ELAC2: variants seen among roughly 807,000 people sequenced by gnomAD.
ELAC2 encodes elaC ribonuclease Z 2.
Under a neutral mutation model 105.2 loss-of-function variants are expected in ELAC2, and 92 were observed. That is an observed-to-expected ratio of 0.87 (90% CI 0.74 to 1.04). The LOEUF (loss-of-function observed/expected upper bound fraction) is 1.04, where lower values mean the gene tolerates loss of function less well. Ranked by LOEUF, ELAC2 falls within the 50% of genes least tolerant of loss-of-function variation. The pLI is 0.00. For missense variants in ELAC2, 1,099 were observed against 1,071.7 expected (o/e 1.03, Z -0.36); for synonymous variants, 468 against 409.1 (o/e 1.14, Z -1.74).
At chr17:13,017,173 C>G (rs762732594) in intron 1 of ELAC2, 52 bp from the exon 2 acceptor site, 1 of 1,435,548 alleles carries the variant, frequency 7.0e-7, no homozygotes, top group Non-Finnish European at 9.8e-7. Flanking sequence ...TCTGTAAACT[C>G]TCTGACACCA....
intron 4 of ELAC2, among the ~76,000 whole-genome samples, chr17:13,015,033 C>T (rs2041643572): frequency 6.6e-6 from 1 of 152,162 alleles, no homozygotes; most frequent in African/African-American, 2.4e-5. Flanking sequence ...CGGCCGGGGC[C>T]TACAGGACTT....
intron 8 of ELAC2, 76 bp from the exon 9 acceptor site, chr17:13,006,055 G>GT: frequency 1.4e-6 from 2 of 1,427,020 alleles, no homozygotes; most frequent in Non-Finnish European, 2.0e-6. Flanking sequence ...TCTTAGAAGT[G>GT]TATTTTTCTA....
chr17:13,012,176 G>A (rs192719602), intron 6 of ELAC2, among the ~76,000 whole-genome samples: 249 of 152,326 alleles, frequency 1.6e-3, no homozygotes, highest in Non-Finnish European at 3.0e-3. Context: ...GCTGCTCTAA[G>A]AAGCTAAAGC....
Position 13,000,257 on chromosome 17 carries a change from C to T in ELAC2, c.1322G>A (p.Cys441Tyr). 6.2e-7 allele frequency: 1 copy of T among 1,614,040 alleles called. No homozygotes were observed. ...CTCAACTATGAATTCCTCAGGATTG[C>T]AAGTAATAATGGCATCCCTGCAGGA... is the stretch of plus-strand genomic sequence containing the variant. ...REWQRDAIIT[C>Y]NPEEFIVEAL... The change falls in exon 15 of 24, where the codon TGC becomes TAC. Residue 441 changes from cysteine to tyrosine, a missense_variant. Coordinates refer to ENST00000338034, the MANE Select transcript of ELAC2 (RefSeq NM_018127.7).
intron 7 of ELAC2, 139 bp from the exon 8 acceptor site, chr17:13,010,810 C>T: frequency 1.3e-6 from 1 of 773,228 alleles, no homozygotes; most frequent in East Asian, 2.7e-5. Flanking sequence ...AGGCTGAAGA[C>T]ACTAATATAC....
rs2041062782 is a variant in ELAC2, at chr17:13,005,719, G to A, written c.870+34C>T. The A allele has an allele frequency of 1.6e-5, 26 of 1,600,264 alleles. No individual in the cohort carries two copies. The East Asian group carries it at 4.0e-4, about 25-fold the overall frequency. ...CTGCCCAGCATTTCAGACCCTACCT[G>A]TAACTGCTGAATCAAGAAAACCAGG... is the stretch of plus-strand genomic sequence containing the variant. On this transcript the variant is annotated intron_variant, in intron 10 of 23. Transcript: ENST00000338034.
rs1197585441 is a variant in ELAC2 at position 13,003,483 on chromosome 17, C to T, written c.1075G>A (p.Glu359Lys). 1.9e-6 allele frequency: 3 copies of T among 1,614,178 alleles called. No individual in the cohort carries two copies. The highest frequency in any genetic ancestry group is 2.5e-6 in the Non-Finnish European group (3 of 1,180,022). ...LVDSRYQQWM[E>K]RFGPDTQHLV... ...CCGCTGGGCTGGGCTCCATACCTCT[C>T]CATCCACTGCTGGTACCTGCTGTCC... Residue 359 changes from glutamate (E) to lysine (K), a missense_variant, in exon 12 of 24, where the codon GAG (glutamate) becomes AAG (lysine). Glu to Lys is a moderately conservative substitution (Grantham distance 56). Transcript: ENST00000338034.
At position 12,994,787 on chromosome 17, in the gene ELAC2, G is replaced by A. The variant is rs752239590; in HGVS notation, c.2006C>T (p.Pro669Leu). The A allele has an allele frequency of 6.2e-7, 1 of 1,613,988 alleles. No individual in the cohort carries two copies. The highest frequency in any genetic ancestry group is 8.5e-7 in the Non-Finnish European group (1 of 1,180,038). The change falls in exon 21 of 24, where the codon CCC becomes CTC. Residue 669 changes from proline (P) to leucine (L), a missense_variant. Transcript: ENST00000338034. ...ACCCATCCGGACCAGAGCCTCGCAGGGCATGGTGTCCCCGGAATAGACCAC... is the reference window on the plus strand; with the variant it reads ...ACCCATCCGGACCAGAGCCTCGCAGAGCATGGTGTCCCCGGAATAGACCAC... ...WKVVYSGDTM[P>L]CEALVRMGKD...
chr17:12,991,864 C>CTT lies in ELAC2; in HGVS notation c.*952_*953dup, dbSNP rs1555570451. Among the ~76,000 whole-genome samples, 1 of 126,790 alleles carries CTT rather than the reference C, an allele frequency of 7.9e-6. No individual in the cohort carries two copies. Among genetic ancestry groups the CTT allele is most frequent in the Admixed American group, 7.7e-5 (1 of 13,014 alleles). The allele number at this position is 126,790 out of a possible 152,430, so 83.2% of individuals were successfully genotyped here. ...TAGATTCAACTTACTTACTTACTTACTTACTTTACTTACTTACTTCCTTGG... is the reference window on the plus strand; with the variant it reads ...TAGATTCAACTTACTTACTTACTTACTTTTACTTTACTTACTTACTTCCTTGG... On this transcript the variant is annotated 3_prime_UTR_variant, in exon 24 of 24. Coordinates refer to ENST00000338034, the MANE Select transcript of ELAC2 (RefSeq NM_018127.7).
chr17:12,998,647 G>C lies in ELAC2; in HGVS notation c.1424-139C>G, dbSNP rs538720288. On this transcript the variant is annotated intron_variant, in intron 15 of 23. Coordinates refer to ENST00000338034, the MANE Select transcript of ELAC2 (RefSeq NM_018127.7). ...GTGGAAACGTGCTCCCTAGTATGGC[G>C]GTTTTGGGAGGCGGGGCCTAGTGGA... is the stretch of plus-strand genomic sequence containing the variant. 260 of 820,510 alleles carry C rather than the reference G, an allele frequency of 3.2e-4. 3 individuals are homozygous for C. The South Asian group carries it at 3.5e-3, about 11-fold the overall frequency. 50.8% of individuals were successfully genotyped at this position (820,510 alleles called of 1,614,324 possible).
At chr17:13,000,336 A>G (rs1159574988) in intron 14 of ELAC2, 62 bp from the exon 15 acceptor site, 3 of 1,428,074 alleles carry the variant, frequency 2.1e-6, no homozygotes, top group Non-Finnish European at 3.0e-6. Flanking sequence ...AGCAGACCCC[A>G]TTGGGGATGT....
intron 3 of ELAC2, among the ~76,000 whole-genome samples, chr17:13,016,234 G>A (rs957130725): frequency 6.6e-6 from 1 of 152,172 alleles, no homozygotes; most frequent in Non-Finnish European, 1.5e-5. Context: ...TGACCTTCCG[G>A]TTGATAGACA....
Position 13,015,699 on chromosome 17 carries a change from G to A in ELAC2, c.432+69C>T. The stretch of plus-strand genomic sequence containing the variant: ...AGGGCAGAAGACTGATTTGCAAAAA[G>A]GAAAATTCTTGTTACTGATATTACA... On this transcript the variant is annotated intron_variant, in intron 4 of 23. Transcript: ENST00000338034. 5 of 1,412,256 alleles carry A rather than the reference G, an allele frequency of 3.5e-6. No homozygotes were observed. The Admixed American group carries it at 6.7e-5, about 19-fold the overall frequency. 87.5% of individuals were successfully genotyped at this position (1,412,256 alleles called of 1,614,324 possible). A position where few individuals can be genotyped will look rare whatever the true frequency, so the allele number is the denominator to read the frequency against.
At chr17:12,994,077 C>T (rs921506734) in intron 22 of ELAC2, among the ~76,000 whole-genome samples, 4 of 152,222 alleles carry the variant, frequency 2.6e-5, no homozygotes, top group Admixed American at 2.6e-4. Flanking sequence ...AGAGAAACCA[C>T]AGGGCCCACC....
At position 13,007,124 on chromosome 17, in the gene ELAC2, G is replaced by GA. The variant is rs10713763; in HGVS notation, c.739-1146dup. 3.8e-3 allele frequency among the ~76,000 whole-genome samples: 439 copies of GA among 116,130 alleles called. 1 individual carries two copies. Among genetic ancestry groups the GA allele is most frequent in the African/African-American group, 9.2e-3 (284 of 30,768 alleles). 76.2% of individuals were successfully genotyped at this position (116,130 alleles called of 152,430 possible). The stretch of plus-strand genomic sequence containing the variant: ...AGACTCTGTCTCAAAAAAAGAAAAA[G>GA]AAAAAAAAAAAAACCCTAATATGCT... On this transcript the variant is annotated intron_variant, in intron 8 of 23. Transcript: ENST00000338034.
At chr17:12,995,378 G>A (rs987423749) in intron 19 of ELAC2, among the ~76,000 whole-genome samples, 1 of 152,216 alleles carries the variant, frequency 6.6e-6, no homozygotes, top group Admixed American at 6.5e-5. Flanking sequence ...CACCTGCTAT[G>A]GACATTCTCT....
At chr17:13,009,388 T>C (rs943389581) in intron 8 of ELAC2, among the ~76,000 whole-genome samples, 4 of 152,204 alleles carry the variant, frequency 2.6e-5, no homozygotes, top group Non-Finnish European at 5.9e-5. Flanking sequence ...TTGTTGCAAA[T>C]TGTATTGATA....
intron 14 of ELAC2, 39 bp downstream of exon 14, chr17:13,002,235 T>A: frequency 6.2e-7 from 1 of 1,609,152 alleles, no homozygotes; most frequent in Non-Finnish European, 8.5e-7. Context: ...GTTTCCCAAC[T>A]CGACTGAGAC....
intron 5 of ELAC2, among the ~76,000 whole-genome samples, chr17:13,013,551 A>G (rs1352143638): frequency 1.3e-5 from 2 of 152,230 alleles, no homozygotes; most frequent in African/African-American, 4.8e-5. Context: ...CTAGTACTCA[A>G]CTTTCAGAGA....
Sources: gnomAD v4.1 joint callset for allele counts (sites outside exome capture counted in the v4.1 genomes callset) on GRCh38, gnomAD v4.1.1 for gene constraint, MANE v1.5 for transcripts, NCBI Gene and HGNC (gene_info 2026-07-23, HGNC 2026-07-21) for gene names.